Variants in MLLT3 observed in about 807,000 individuals in gnomAD.
MLLT3 encodes protein AF-9.
A neutral mutation model predicts 53.2 loss-of-function variants in MLLT3; 4 were observed. That is an observed-to-expected ratio of 0.08 (90% CI 0.04 to 0.17). The LOEUF is 0.17. MLLT3 is among the 10% of genes least tolerant of loss of function. The pLI is 1.00. For synonymous variants in MLLT3, 283 were observed against 230.6 expected (o/e 1.23, Z -2.06); for missense variants, 569 against 684.0 (o/e 0.83, Z 1.87).
At chr9:20,480,774 TG>T (rs1332483973) in intron 2 of MLLT3, among the ~76,000 whole-genome samples, 1 of 152,184 alleles carries the variant, frequency 6.6e-6, no homozygotes, top group African/African-American at 2.4e-5. Context: ...GGCCAACCAC[TG>T]GGAACCCATT....
At chr9:20,473,889 C>A in intron 2 of MLLT3, among the ~76,000 whole-genome samples, 1 of 152,132 alleles carries the variant, frequency 6.6e-6, no homozygotes, top group South Asian at 2.1e-4. Flanking sequence ...ACTGTACTTT[C>A]TAGTCACTGC....
chr9:20,485,758 G>T (rs1287362612), intron 2 of MLLT3, among the ~76,000 whole-genome samples: 1 of 151,752 alleles, frequency 6.6e-6, no homozygotes, highest in African/African-American at 2.4e-5. Context: ...GTGTGTGTGT[G>T]TGTGCATGTG....
chr9:20,534,658 G>A (rs112816732), intron 2 of MLLT3, among the ~76,000 whole-genome samples: 4,150 of 152,222 alleles, frequency 0.027, 208 homozygotes, highest in African/African-American at 0.093. Flanking sequence ...ACGCCAAGGC[G>A]GGCGGATCAC....
At chr9:20,528,942 G>A (rs932036949) in intron 2 of MLLT3, among the ~76,000 whole-genome samples, 3 of 152,182 alleles carry the variant, frequency 2.0e-5, no homozygotes, top group African/African-American at 7.2e-5. Context: ...AGACAGGGTA[G>A]GGAATTTTAA....
intron 2 of MLLT3, among the ~76,000 whole-genome samples, chr9:20,495,878 C>A (rs978897885): frequency 6.6e-6 from 1 of 152,152 alleles, no homozygotes; most frequent in Non-Finnish European, 1.5e-5. Context: ...ATCATAGGCC[C>A]TCGGCTCACA....
intron 2 of MLLT3, among the ~76,000 whole-genome samples, chr9:20,619,031 CT>C (rs1203033764): frequency 1.3e-5 from 2 of 152,230 alleles, no homozygotes; most frequent in African/African-American, 2.4e-5. Flanking sequence ...AAAGTGGTTT[CT>C]TTTGTTTAAA....
chr9:20,344,561 G>A lies in MLLT3; in HGVS notation c.*1882C>T, dbSNP rs975200868. ...ACAATACAACAAATGCTTCAAGTAC[G>A]GTTCATGCCAATCGTCATTAAGAAT... On this transcript the variant is annotated 3_prime_UTR_variant, in exon 11 of 11. Coordinates refer to ENST00000380338, the MANE Select transcript of MLLT3 (RefSeq NM_004529.4). 2 of 214,246 alleles carry A rather than the reference G, an allele frequency of 9.3e-6. No individual in the cohort carries two copies. The highest frequency in any genetic ancestry group is 1.9e-4 in the South Asian group (1 of 5,354). 13.3% of individuals were successfully genotyped at this position (214,246 alleles called of 1,614,324 possible).
chr9:20,403,820 T>A (rs1822514964), intron 5 of MLLT3, among the ~76,000 whole-genome samples: 1 of 152,012 alleles, frequency 6.6e-6, no homozygotes, highest in African/African-American at 2.4e-5. Context: ...GATACTAAAC[T>A]TTTTTTTGTT....
At chr9:20,533,140 AG>A in intron 2 of MLLT3, 1 of 273,892 alleles carries the variant, frequency 3.7e-6, no homozygotes, top group Non-Finnish European at 7.3e-6. Flanking sequence ...TCTAGTTCAC[AG>A]GAAGACCTGC....
chr9:20,457,166 G>A (rs1823989498), intron 2 of MLLT3, among the ~76,000 whole-genome samples: 1 of 149,226 alleles, frequency 6.7e-6, no homozygotes, highest in Non-Finnish European at 1.5e-5. Flanking sequence ...AGTATTATCT[G>A]CATCTAGTCT....
At chr9:20,534,041 G>C (rs1818414162) in intron 2 of MLLT3, among the ~76,000 whole-genome samples, 1 of 152,032 alleles carries the variant, frequency 6.6e-6, no homozygotes, top group African/African-American at 2.4e-5. Context: ...CAAATCATCA[G>C]GCTGTATAAC....
intron 2 of MLLT3, among the ~76,000 whole-genome samples, chr9:20,492,375 C>T (rs189882197): frequency 6.6e-6 from 1 of 151,742 alleles, no homozygotes; most frequent in Non-Finnish European, 1.5e-5. Context: ...TATCCTAGTT[C>T]TTAGGTTGGA....
intron 2 of MLLT3, among the ~76,000 whole-genome samples, chr9:20,517,979 A>C (rs1296732777): frequency 1.3e-5 from 2 of 152,242 alleles, no homozygotes; most frequent in African/African-American, 2.4e-5. Flanking sequence ...AATTTAAACA[A>C]TAAAATGAGC....
At chr9:20,521,306 G>A (rs1160945885) in intron 2 of MLLT3, among the ~76,000 whole-genome samples, 1 of 152,102 alleles carries the variant, frequency 6.6e-6, no homozygotes, top group Admixed American at 6.6e-5. Context: ...CCTGACTTCA[G>A]GTGATCTGCC....
chr9:20,361,981 G>A (rs1271222552), intron 7 of MLLT3, among the ~76,000 whole-genome samples: 1 of 152,188 alleles, frequency 6.6e-6, no homozygotes, highest in African/African-American at 2.4e-5. Flanking sequence ...AGCAAAAACT[G>A]ATAGAACTTG....
At position 20,342,031 on chromosome 9, in the gene MLLT3, TG is replaced by T. The variant is rs35134011; in HGVS notation, c.*4411del. ...TGGACTCTCTGCCTTCAGCTGGTTT[TG>T]GACACATTGTCCTCTCTCTGGATGT... is the stretch of plus-strand genomic sequence containing the variant. On this transcript the variant is annotated 3_prime_UTR_variant, in exon 11 of 11. Coordinates refer to ENST00000380338, the MANE Select transcript of MLLT3 (RefSeq NM_004529.4). The T allele has an allele frequency of 0.11, 22,517 of 208,322 alleles. 1,484 individuals carry two copies. The highest frequency in any genetic ancestry group is 0.15 in the Non-Finnish European group (15,225 of 102,272). The allele number at this position is 208,322 out of a possible 1,614,324, so 12.9% of individuals were successfully genotyped here.
intron 2 of MLLT3, among the ~76,000 whole-genome samples, chr9:20,556,226 C>G (rs781338963): frequency 6.6e-6 from 1 of 152,048 alleles, no homozygotes; most frequent in Non-Finnish European, 1.5e-5. Flanking sequence ...TTGATCAACT[C>G]CATTCCACAA....
chr9:20,502,303 C>G (rs1825266114), intron 2 of MLLT3: 1 of 154,048 alleles, frequency 6.5e-6, no homozygotes, highest in African/African-American at 2.4e-5. Flanking sequence ...CCACAAAGAG[C>G]CATATTTGTG....
At chr9:20,478,801 G>A (rs560333177) in intron 2 of MLLT3, among the ~76,000 whole-genome samples, 121 of 152,216 alleles carry the variant, frequency 7.9e-4, no homozygotes, top group African/African-American at 2.8e-3. Context: ...TTAGAAAAGA[G>A]GCCATGTATA....
Sources: gnomAD v4.1 joint callset for allele counts (sites outside exome capture counted in the v4.1 genomes callset) on GRCh38, gnomAD v4.1.1 for gene constraint, MANE v1.5 for transcripts, NCBI Gene and HGNC (gene_info 2026-07-23, HGNC 2026-07-21) for gene names.